Variants in ABCC1 observed in about 807,000 individuals in gnomAD.
ABCC1 encodes multidrug resistance-associated protein 1.
In ABCC1, 83 loss-of-function variants were observed where a neutral mutation model predicts 172.9. That is an observed-to-expected ratio of 0.48 (90% CI 0.40 to 0.58). The LOEUF (loss-of-function observed/expected upper bound fraction) is 0.58. Among genes scored for constraint, ABCC1 ranks in the 20% least tolerant of loss-of-function variants. The probability of loss-of-function intolerance (pLI) is 0.00; values close to 1 mark genes in which losing one functional copy is unlikely to be tolerated. For missense variants in ABCC1, 1,817 were observed against 2,002.7 expected, an observed-to-expected ratio of 0.91 and a Z score of 1.77; for synonymous variants, 937 against 825.2, an observed-to-expected ratio of 1.14 and a Z score of -2.32.
chr16:15,956,414 C>G (rs945125428), intron 1 of ABCC1, among the ~76,000 whole-genome samples: 9 of 151,694 alleles, frequency 5.9e-5, no homozygotes, highest in African/African-American at 2.2e-4. Flanking sequence ...TAACTTTCAA[C>G]TCCCTAAAAG....
intron 23 of ABCC1, among the ~76,000 whole-genome samples, chr16:16,116,205 C>T (rs547397496): frequency 1.3e-5 from 2 of 151,902 alleles, no homozygotes; most frequent in Non-Finnish European, 2.9e-5. Context: ...CGCCCGGCCC[C>T]TTTCATTCTT....
intron 12 of ABCC1, among the ~76,000 whole-genome samples, chr16:16,062,709 G>T (rs1412096000): frequency 6.6e-6 from 1 of 152,152 alleles, no homozygotes; most frequent in Non-Finnish European, 1.5e-5. Flanking sequence ...CCTGGAAGGT[G>T]CCTGAGTGTT....
At chr16:16,031,536 T>C (rs2151826191) in intron 5 of ABCC1, among the ~76,000 whole-genome samples, 1 of 152,276 alleles carries the variant, frequency 6.6e-6, no homozygotes, top group East Asian at 1.9e-4. Flanking sequence ...GACCAAAATA[T>C]GTGGCCTGCA....
chr16:16,101,996 C>T (rs967881355), intron 19 of ABCC1, among the ~76,000 whole-genome samples: 3 of 152,144 alleles, frequency 2.0e-5, no homozygotes, highest in South Asian at 4.1e-4. Context: ...TTGAAGCTCA[C>T]CTGGTTGTTG....
At chr16:15,950,749 G>A (rs1165056807) in intron 1 of ABCC1, among the ~76,000 whole-genome samples, 1 of 152,140 alleles carries the variant, frequency 6.6e-6, no homozygotes, top group Non-Finnish European at 1.5e-5. Flanking sequence ...ATCTGGACAC[G>A]ACTGTTTCTC....
chr16:15,978,391 CAA>C (rs1350540146), intron 1 of ABCC1, among the ~76,000 whole-genome samples: 2 of 151,520 alleles, frequency 1.3e-5, no homozygotes, highest in Non-Finnish European at 2.9e-5. Context: ...AACAAACAAA[CAA>C]ATAAACAAAA....
At chr16:16,091,911 G>A (rs539924448) in intron 19 of ABCC1, among the ~76,000 whole-genome samples, 3 of 152,266 alleles carry the variant, frequency 2.0e-5, no homozygotes, top group African/African-American at 7.2e-5. Context: ...AGAGGTCCTA[G>A]TGATCTCTAA....
intron 20 of ABCC1, among the ~76,000 whole-genome samples, chr16:16,104,975 C>A (rs953033813): frequency 1.3e-5 from 2 of 152,114 alleles, no homozygotes; most frequent in African/African-American, 4.8e-5. Context: ...CCCGCAAGCG[C>A]CCTGTGCAGC....
chr16:15,989,990 C>G (rs1347620706), intron 1 of ABCC1, among the ~76,000 whole-genome samples: 3 of 152,150 alleles, frequency 2.0e-5, no homozygotes, highest in Non-Finnish European at 4.4e-5. Flanking sequence ...GATCTTACCA[C>G]CTCAGCCTCC....
chr16:16,058,214 A>T (rs1000115441), intron 12 of ABCC1, among the ~76,000 whole-genome samples: 1 of 152,170 alleles, frequency 6.6e-6, no homozygotes, highest in Non-Finnish European at 1.5e-5. Context: ...TGGACTTTGG[A>T]AATTCCCTTT....
intron 20 of ABCC1, among the ~76,000 whole-genome samples, chr16:16,104,771 G>T (rs770561917): frequency 2.0e-5 from 3 of 152,176 alleles, no homozygotes; most frequent in Non-Finnish European, 4.4e-5. Context: ...GCGGGGAGGT[G>T]GGGAGGCTCA....
intron 1 of ABCC1, among the ~76,000 whole-genome samples, chr16:16,005,310 A>G (rs1010141356): frequency 6.6e-6 from 1 of 150,848 alleles, no homozygotes; most frequent in African/African-American, 2.4e-5. Context: ...ACTGATGGTC[A>G]TGTAACAGGA....
chr16:16,131,150 C>G (rs2045657558), intron 26 of ABCC1, among the ~76,000 whole-genome samples: 1 of 152,098 alleles, frequency 6.6e-6, no homozygotes, highest in Non-Finnish European at 1.5e-5. Flanking sequence ...CTATACAAAT[C>G]AGTTGTACAA....
intron 19 of ABCC1, among the ~76,000 whole-genome samples, chr16:16,094,786 A>AT (rs1480671868): frequency 1.5e-5 from 2 of 132,542 alleles, no homozygotes; most frequent in Non-Finnish European, 3.1e-5. Flanking sequence ...AAGTGCTGGG[A>AT]TTACAGGCGT....
intron 30 of ABCC1, among the ~76,000 whole-genome samples, 166 bp from the exon 31 acceptor site, chr16:16,141,006 GA>G (rs1333431715): frequency 6.6e-6 from 1 of 152,194 alleles, no homozygotes; most frequent in African/African-American, 2.4e-5. Flanking sequence ...ACATTGACTA[GA>G]AATAGGGATT....
At chr16:16,108,589 A>T (rs1264932112) in intron 21 of ABCC1, among the ~76,000 whole-genome samples, 48 of 127,784 alleles carry the variant, frequency 3.8e-4, no homozygotes, top group East Asian at 4.5e-4. Flanking sequence ...TTTTTTTTTT[A>T]ATTTGTTTTC....
intron 12 of ABCC1, among the ~76,000 whole-genome samples, chr16:16,067,093 T>TA (rs1412441898): frequency 6.9e-6 from 1 of 145,276 alleles, no homozygotes; most frequent in Admixed American, 6.8e-5. Context: ...TCTACAAAAA[T>TA]AAAAAAACTA....
intron 20 of ABCC1, among the ~76,000 whole-genome samples, chr16:16,103,013 G>A (rs1018408325): frequency 2.6e-5 from 4 of 152,142 alleles, no homozygotes; most frequent in African/African-American, 7.2e-5. Context: ...GTCTCTTGGC[G>A]GGGCCTGGAA....
At chr16:16,102,837 C>T in intron 20 of ABCC1, 120 bp downstream of exon 20, 1 of 902,856 alleles carries the variant, frequency 1.1e-6, no homozygotes, top group South Asian at 1.7e-5. Context: ...CTTTTACCTT[C>T]CCTCCCAAAT....
Sources: allele counts gnomAD v4.1 joint callset (sites outside exome capture counted in the v4.1 genomes callset), GRCh38; gene constraint gnomAD v4.1.1; transcripts MANE v1.5; gene names NCBI Gene and HGNC (gene_info 2026-07-23, HGNC 2026-07-21).